Variants in USP9X observed in about 807,000 individuals in gnomAD.
The protein encoded by USP9X is ubiquitin specific peptidase 9 X-linked.
A neutral mutation model predicts 190.3 loss-of-function variants in USP9X; 7 were observed. The ratio of observed to expected loss-of-function variants is 0.04; its 90% CI spans 0.02 to 0.07. The LOEUF is 0.07. Among genes scored for constraint, USP9X ranks in the 10% least tolerant of loss-of-function variants. The probability of loss-of-function intolerance (pLI) is 1.00; values close to 1 mark genes in which losing one functional copy is unlikely to be tolerated. For missense variants in USP9X, 1,010 were observed against 1,916.9 expected (o/e 0.53, Z 8.83); for synonymous variants, 645 against 659.5 (o/e 0.98, Z 0.34).
In USP9X at chrX:41,227,587, A is replaced by T. The variant is rs747050423; in HGVS notation, c.7062-1666A>T. On this transcript the variant is annotated intron_variant, in intron 41 of 44. Coordinates refer to ENST00000378308, the MANE Select transcript of USP9X (RefSeq NM_001039591.3). ...TCTTTAAATTCTCAGTGTCCAGGTT[A>T]TGTTTTCTAATTGAGGTAAAATTTA... 7.1e-5 allele frequency among the ~76,000 whole-genome samples: 8 copies of T among 112,286 alleles called. No homozygotes were observed. In the South Asian group the frequency reaches 2.9e-3, roughly 41 times the overall value.
At chrX:41,093,902 T>C (rs962403247) in intron 1 of USP9X, among the ~76,000 whole-genome samples, 2 of 112,180 alleles carry the variant, frequency 1.8e-5, no homozygotes, top group African/African-American at 6.5e-5. Flanking sequence ...GACTGTCGTT[T>C]TTGAAATTTT....
In USP9X at chrX:41,235,215, G is replaced by A. The variant is rs1425297569; in HGVS notation, c.*2691G>A. The A allele has an allele frequency of 2.7e-5, 3 of 112,127 alleles. No homozygotes were observed. The highest frequency in any genetic ancestry group is 5.6e-5 in the Non-Finnish European group (3 of 53,239). The allele number at this position is 112,127 out of a possible 1,213,427, so 9.2% of individuals were successfully genotyped here. ...TCGTTGTGACTAGGAGCAAGGGAAA[G>A]TGGAGTTATTTTTGTTTGTGCAAAT... On this transcript the variant is annotated 3_prime_UTR_variant, in exon 45 of 45. Transcript: ENST00000378308.
rs775379712 is a variant in USP9X at position 41,210,627 on chromosome X, A to C, written c.5134A>C (p.Lys1712Gln). The stretch of plus-strand genomic sequence containing the variant: ...TTTAGGACATCCAGCTATGCTAAGT[A>C]AAGTCTTAGGAGGTTCCTTTGCTGA... ...KALGHPAMLSKVLGGSFADQK... is the reference protein window; with the variant it reads ...KALGHPAMLSQVLGGSFADQK... Residue 1712 changes from lysine (K) to glutamine (Q), a missense_variant, in exon 33 of 45, where the codon AAA becomes CAA. Coordinates refer to ENST00000378308, the MANE Select transcript of USP9X (RefSeq NM_001039591.3). The C allele has an allele frequency of 3.3e-6, 4 of 1,211,233 alleles. No homozygotes were observed. The Admixed American group carries it at 6.5e-5, about 20-fold the overall frequency.
chrX:41,129,271 TAAATG>T (rs1168992127), intron 3 of USP9X, 126 bp downstream of exon 3: 5 of 687,786 alleles, frequency 7.3e-6, no homozygotes, highest in Middle Eastern at 3.3e-4. Context: ...ATAGATTTAA[TAAATG>T]AAAGGGAGTG....
chrX:41,211,633 C>T (rs376834504), intron 33 of USP9X, among the ~76,000 whole-genome samples: 2 of 109,173 alleles, frequency 1.8e-5, no homozygotes, highest in Admixed American at 1.9e-4. Flanking sequence ...CCCCTCTGCC[C>T]GGCCAGCCGC....
intron 21 of USP9X, among the ~76,000 whole-genome samples, chrX:41,182,037 C>G (rs1331881075): frequency 1.8e-5 from 2 of 111,683 alleles, no homozygotes; most frequent in Non-Finnish European, 3.8e-5. Flanking sequence ...ATTCAGATCT[C>G]TCAAATGAGT....
chrX:41,186,830 A>ATTT (rs34817628), intron 24 of USP9X, among the ~76,000 whole-genome samples, 188 bp downstream of exon 24: 15 of 101,144 alleles, frequency 1.5e-4, no homozygotes, highest in African/African-American at 5.0e-4. Context: ...AGATGGGGTG[A>ATTT]TTTTTTTTTT....
intron 30 of USP9X, among the ~76,000 whole-genome samples, chrX:41,199,728 C>T (rs2063025247): frequency 8.9e-6 from 1 of 111,868 alleles, no homozygotes; most frequent in Non-Finnish European, 1.9e-5. Context: ...CGCACCTGGC[C>T]CAGACTTAAA....
chrX:41,232,225 G>GTTTTTA (rs758633928), intron 44 of USP9X, among the ~76,000 whole-genome samples, 162 bp from the exon 45 acceptor site: 1 of 109,640 alleles, frequency 9.1e-6, no homozygotes, highest in Non-Finnish European at 1.9e-5. Flanking sequence ...GCCTTTTTTT[G>GTTTTTA]TTTTTGTTTT....
intron 4 of USP9X, 50 bp from the exon 5 acceptor site, chrX:41,134,675 A>T: frequency 9.2e-7 from 1 of 1,088,084 alleles, no homozygotes; most frequent in Non-Finnish European, 1.3e-6. Flanking sequence ...CAATGTAAAA[A>T]CAACCAGATG....
At position 41,196,621 on chromosome X, in the gene USP9X, A is replaced by G; in HGVS notation, c.4116A>G (p.Ser1372=). The change falls in exon 28 of 45, where the codon TCA becomes TCG. Residue 1372 remains serine (S), a synonymous_variant. Transcript: ENST00000378308. ...GSTARERAKH[S]GDYFTLLRHL... is the part of the protein sequence containing the mutation. ...CAGCAAGAGAGAGAGCTAAACACTC[A>G]GGCGACTACTTTACTCTTTTAAGAC... The G allele has an allele frequency of 8.3e-7, 1 of 1,208,957 alleles. No homozygotes were observed. Among genetic ancestry groups the G allele is most frequent in the Non-Finnish European group, 1.1e-6 (1 of 893,964 alleles).
intron 1 of USP9X, among the ~76,000 whole-genome samples, chrX:41,106,602 C>G (rs1042430359): frequency 1.4e-4 from 13 of 91,177 alleles, no homozygotes; most frequent in African/African-American, 5.6e-4. Context: ...GCGATCTTGG[C>G]TCACTGCAAC....
intron 14 of USP9X, among the ~76,000 whole-genome samples, chrX:41,154,500 A>C (rs1289239119): frequency 9.0e-5 from 10 of 111,684 alleles, no homozygotes; most frequent in Non-Finnish European, 3.8e-5. Context: ...TGTGGTGTTT[A>C]ATTTCATTGT....
chrX:41,111,844 ATTTTT>A, intron 1 of USP9X, among the ~76,000 whole-genome samples: 1 of 87,273 alleles, frequency 1.1e-5, no homozygotes. Context: ...GTCTTTGAAG[ATTTTT>A]TTTTTTTTTT....
intron 32 of USP9X, among the ~76,000 whole-genome samples, chrX:41,207,817 A>G (rs955610299): frequency 9.1e-6 from 1 of 109,919 alleles, no homozygotes; most frequent in African/African-American, 3.3e-5. Context: ...TAGGCCCTCT[A>G]CTTACTCTGT....
intron 41 of USP9X, 45 bp downstream of exon 41, chrX:41,225,182 T>G (rs775965251): frequency 2.6e-6 from 3 of 1,132,849 alleles, no homozygotes; most frequent in Non-Finnish European, 3.6e-6. Flanking sequence ...CTTGCCCAGG[T>G]GTTAGAGTTA....
rs1380071378 is a variant in USP9X at position 41,176,388 on chromosome X, G to T, written c.3148+4430G>T. Among the ~76,000 whole-genome samples the T allele has an allele frequency of 3.6e-5, 4 of 111,662 alleles. No homozygotes were observed. In the East Asian group the frequency reaches 1.1e-3, roughly 31 times the overall value. On this transcript the variant is annotated intron_variant, in intron 21 of 44. Coordinates refer to ENST00000378308, the MANE Select transcript of USP9X (RefSeq NM_001039591.3). ...GAGATAATTTGGACAGTCCAGGCAG[G>T]TACTTCAGTGTGGCTGAAGGCTTCC...
chrX:41,196,232 G>GAA lies in USP9X; in HGVS notation c.3978-17_3978-16dup. The GAA allele has an allele frequency of 8.3e-7, 1 of 1,200,726 alleles. No individual in the cohort carries two copies. The highest frequency in any genetic ancestry group is 1.1e-6 in the Non-Finnish European group (1 of 887,090). ...AAAATGGAAATAATGTATTAAATGT[G>GAA]AAACATTTTTTATTTCAGAACTGTT... On this transcript the variant is annotated intron_variant, in intron 26 of 44. Coordinates refer to ENST00000378308, the MANE Select transcript of USP9X (RefSeq NM_001039591.3).
chrX:41,233,526 T>G lies in USP9X; in HGVS notation c.*1002T>G, dbSNP rs1043401290. Reference sequence around the variant, plus strand: ...CTTGTTTTGTTTCTTTGGTAGAGTTTATTAGGTGAATCTTCTAAAACTTTC... The same window carrying G: ...CTTGTTTTGTTTCTTTGGTAGAGTTGATTAGGTGAATCTTCTAAAACTTTC... On this transcript the variant is annotated 3_prime_UTR_variant, in exon 45 of 45. Coordinates refer to ENST00000378308, the MANE Select transcript of USP9X (RefSeq NM_001039591.3). The G allele has an allele frequency of 1.8e-5, 2 of 112,288 alleles. No homozygotes were observed. Among genetic ancestry groups the G allele is most frequent in the African/African-American group, 6.5e-5 (2 of 30,847 alleles). 9.3% of individuals were successfully genotyped at this position (112,288 alleles called of 1,213,427 possible).
Sources: gnomAD v4.1 joint callset for allele counts (sites outside exome capture counted in the v4.1 genomes callset) on GRCh38, gnomAD v4.1.1 for gene constraint, MANE v1.5 for transcripts, NCBI Gene and HGNC (gene_info 2026-07-23, HGNC 2026-07-21) for gene names.